NAP1L1: variants seen among roughly 807,000 people sequenced by gnomAD.
NAP1L1 encodes the protein nucleosome assembly protein 1 like 1, also known as nucleosome assembly protein 1-like 1.
A neutral mutation model predicts 58.9 loss-of-function variants in NAP1L1; 9 were observed. The observed-to-expected ratio is 0.15, with a 90% CI of 0.09 to 0.27. NAP1L1 has a LOEUF of 0.27. NAP1L1 is among the 10% of genes least tolerant of loss of function. NAP1L1 has a pLI of 1.00. For synonymous variants in NAP1L1, 130 were observed against 138.3 expected, an observed-to-expected ratio of 0.94 and a Z score of 0.42; for missense variants, 302 against 458.8, an observed-to-expected ratio of 0.66 and a Z score of 3.12.
rs1456403379 is a variant in NAP1L1, at chr12:76,072,307, A to C, written c.17+1896T>G. On this transcript the variant is annotated intron_variant, in intron 2 of 14. Transcript: ENST00000618691. The stretch of plus-strand genomic sequence containing the variant: ...CAAGAAGAGGATGCTATTTAAAAAA[A>C]AAAAAAAACAAAAAAACAGGAAGAA... 5.9e-5 allele frequency among the ~76,000 whole-genome samples: 9 copies of C among 151,760 alleles called. No homozygotes were observed. The South Asian group carries it at 1.7e-3, about 28-fold the overall frequency.
chr12:76,067,358 G>T lies in NAP1L1; in HGVS notation c.206+13C>A. On this transcript the variant is annotated intron_variant, in intron 4 of 14. Coordinates refer to ENST00000618691, the MANE Select transcript of NAP1L1 (RefSeq NM_004537.7). Reference sequence around the variant, plus strand: ...TTATAGAAAGATAAATAAGGACTATGGAAAAGCTGTACCTTTCAATGTATC... The same window carrying T: ...TTATAGAAAGATAAATAAGGACTATTGAAAAGCTGTACCTTTCAATGTATC... 1 of 1,575,710 alleles carries T rather than the reference G, an allele frequency of 6.3e-7. No homozygotes were observed. Among genetic ancestry groups the T allele is most frequent in the Non-Finnish European group, 8.7e-7 (1 of 1,150,874 alleles).
intron 1 of NAP1L1, 32 bp from the exon 2 acceptor site, chr12:76,074,271 AG>A: frequency 6.5e-7 from 1 of 1,543,596 alleles, no homozygotes; most frequent in Non-Finnish European, 8.7e-7. Context: ...TTAAAAAAAA[AG>A]TATATGATTT....
At chr12:76,059,509 C>G (rs1419233187) in intron 6 of NAP1L1, 5 of 310,712 alleles carry the variant, frequency 1.6e-5, no homozygotes, top group Non-Finnish European at 2.9e-5. Context: ...AACTTTAAGT[C>G]AGGTGCTGCA....
At chr12:76,050,448 T>C in intron 12 of NAP1L1, 83 bp downstream of exon 12, 1 of 1,481,776 alleles carries the variant, frequency 6.7e-7, no homozygotes, top group South Asian at 1.4e-5. Flanking sequence ...GTCCTGCTTC[T>C]TAAAAACTAA....
chr12:76,056,173 G>A lies in NAP1L1; in HGVS notation c.430-12C>T, dbSNP rs1949074072. 4 of 1,606,348 alleles carry A rather than the reference G, an allele frequency of 2.5e-6. No individual in the cohort carries two copies. The highest frequency in any genetic ancestry group is 1.7e-4 in the Middle Eastern group (1 of 6,026). On this transcript the variant is annotated splice_polypyrimidine_tract_variant and intron_variant, in intron 6 of 14. Coordinates refer to ENST00000618691, the MANE Select transcript of NAP1L1 (RefSeq NM_004537.7). ...TCTTTCAATTCCTCCTTGATTAAGT[G>A]ACAGCAAACATTATTTAATACATAG...
chr12:76,067,541 A>T, intron 3 of NAP1L1, 68 bp from the exon 4 acceptor site: 1 of 1,268,400 alleles, frequency 7.9e-7, no homozygotes, highest in Non-Finnish European at 1.1e-6. Context: ...TAATAGGACA[A>T]TCCAATCTCA....
chr12:76,083,096 A>C (rs1318053050), intron 1 of NAP1L1, among the ~76,000 whole-genome samples: 2 of 151,994 alleles, frequency 1.3e-5, no homozygotes, highest in African/African-American at 4.8e-5. Context: ...TCCTTTTTGC[A>C]CTCTCAAAGT....
intron 2 of NAP1L1, among the ~76,000 whole-genome samples, chr12:76,069,551 C>T (rs555265884): frequency 6.6e-6 from 1 of 152,290 alleles, no homozygotes; most frequent in Admixed American, 6.5e-5. Context: ...AGCAGCCACA[C>T]TGGACCAGGA....
chr12:76,079,572 T>G (rs1950321805), intron 1 of NAP1L1, among the ~76,000 whole-genome samples: 1 of 151,990 alleles, frequency 6.6e-6, no homozygotes, highest in South Asian at 2.1e-4. Context: ...AAAATAGACT[T>G]CAAGGAAAAA....
intron 11 of NAP1L1, among the ~76,000 whole-genome samples, chr12:76,052,408 C>T (rs1302314899): frequency 6.6e-6 from 1 of 152,164 alleles, no homozygotes; most frequent in African/African-American, 2.4e-5. Context: ...GTCCTATAAG[C>T]CAAGCCAGAA....
intron 6 of NAP1L1, chr12:76,057,823 C>A (rs1225789761): frequency 1.3e-6 from 2 of 1,543,854 alleles, no homozygotes; most frequent in Non-Finnish European, 1.8e-6. Flanking sequence ...GAAGAAAAAA[C>A]AGAAGAGAGG....
chr12:76,056,948 T>C (rs1949131910), intron 6 of NAP1L1: 1 of 249,342 alleles, frequency 4.0e-6, no homozygotes, highest in Non-Finnish European at 8.1e-6. Context: ...GAGGTGGAGG[T>C]TGCAATAAGC....
At chr12:76,084,246 GGGCGTCACCGC>G (rs1009758396) in intron 1 of NAP1L1, among the ~76,000 whole-genome samples, 23 of 152,130 alleles carry the variant, frequency 1.5e-4, no homozygotes, top group African/African-American at 5.5e-4. Context: ...CAGGGCACCC[GGGCGTCACCGC>G]GGCCTCGCTC....
intron 4 of NAP1L1, among the ~76,000 whole-genome samples, chr12:76,062,208 A>G (rs149628652): frequency 6.6e-6 from 1 of 152,302 alleles, no homozygotes; most frequent in Non-Finnish European, 1.5e-5. Flanking sequence ...ATTTGATCCA[A>G]TCTAGGAATG....
chr12:76,057,877 A>C (rs1405898384), intron 6 of NAP1L1: 2 of 1,438,522 alleles, frequency 1.4e-6, no homozygotes, highest in East Asian at 4.8e-5. Context: ...CGGTACCACA[A>C]AAGGTTACTA....
In NAP1L1 at chr12:76,038,051, T is replaced by C. The variant is rs1871092099; in HGVS notation, c.*10378A>G. The C allele has an allele frequency of 6.6e-6, 1 of 152,154 alleles. No individual in the cohort carries two copies. The highest frequency in any genetic ancestry group is 1.5e-5 in the Non-Finnish European group (1 of 68,030). 9.4% of individuals were successfully genotyped at this position (152,154 alleles called of 1,614,324 possible). A position where few individuals can be genotyped will look rare whatever the true frequency, so the allele number is the denominator to read the frequency against. On this transcript the variant is annotated 3_prime_UTR_variant, in exon 15 of 15. Coordinates refer to ENST00000618691, the MANE Select transcript of NAP1L1 (RefSeq NM_004537.7). ...AGCTTTGAAGTGACAAACGAAAATA[T>C]GGAACTGGATGAAATGGAGCAGAGA... is the stretch of plus-strand genomic sequence containing the variant.
At chr12:76,067,701 G>A in intron 3 of NAP1L1, 1 of 398,004 alleles carries the variant, frequency 2.5e-6, no homozygotes, top group Non-Finnish European at 4.6e-6. Flanking sequence ...AGTTCTCAAG[G>A]CCACTGCCAC....
At chr12:76,076,549 A>AATT (rs1301958068) in intron 1 of NAP1L1, among the ~76,000 whole-genome samples, 4 of 120,634 alleles carry the variant, frequency 3.3e-5, no homozygotes, top group Admixed American at 1.7e-4. Context: ...TGGATATGGA[A>AATT]ATATATATAT....
At chr12:76,056,405 A>G in intron 6 of NAP1L1, 1 of 407,008 alleles carries the variant, frequency 2.5e-6, no homozygotes, top group Non-Finnish European at 4.5e-6. Flanking sequence ...TAGTAAAAAA[A>G]AAATGTAAAA....
Sources: gnomAD v4.1 joint callset for allele counts (sites outside exome capture counted in the v4.1 genomes callset) on GRCh38, gnomAD v4.1.1 for gene constraint, MANE v1.5 for transcripts, NCBI Gene and HGNC (gene_info 2026-07-23, HGNC 2026-07-21) for gene names.